The following EFHD2 variants were observed in gnomAD, a reference collection of about 807,000 sequenced individuals.
EFHD2 encodes the protein EF-hand domain-containing protein D2.
A neutral mutation model predicts 20.3 loss-of-function variants in EFHD2; 12 were observed. The ratio of observed to expected loss-of-function variants is 0.59; its 90% CI spans 0.38 to 0.96. The LOEUF is 0.96. Ranked by LOEUF, EFHD2 falls within the 40% of genes least tolerant of loss-of-function variation. EFHD2 has a pLI of 0.00. For missense variants in EFHD2, 250 were observed against 334.3 expected (o/e 0.75, Z 1.97); for synonymous variants, 131 against 143.9 (o/e 0.91, Z 0.64).
intron 1 of EFHD2, among the ~76,000 whole-genome samples, chr1:15,421,783 G>C (rs1399502442): frequency 1.3e-5 from 2 of 152,240 alleles, no homozygotes; most frequent in African/African-American, 4.8e-5. Flanking sequence ...CCCCTGACCT[G>C]CTGGTTATGG....
intron 1 of EFHD2, among the ~76,000 whole-genome samples, chr1:15,422,677 C>T (rs545253436): frequency 1.1e-3 from 166 of 151,914 alleles, no homozygotes; most frequent in African/African-American, 3.7e-3. Context: ...CTGGCTAACA[C>T]GGTGAAACCC....
At chr1:15,425,835 C>T (rs1298555195) in intron 1 of EFHD2, 36 bp from the exon 2 acceptor site, 2 of 1,595,018 alleles carry the variant, frequency 1.3e-6, no homozygotes, top group Non-Finnish European at 1.7e-6. Flanking sequence ...TCTGACTGAG[C>T]CAGTGCCAAG....
chr1:15,411,746 C>T (rs975985534), intron 1 of EFHD2, among the ~76,000 whole-genome samples: 3 of 152,174 alleles, frequency 2.0e-5, no homozygotes, highest in Admixed American at 6.5e-5. Flanking sequence ...GGGAGGGATG[C>T]GGCAAGGCCG....
At chr1:15,421,304 A>G (rs1005621248) in intron 1 of EFHD2, among the ~76,000 whole-genome samples, 9 of 152,148 alleles carry the variant, frequency 5.9e-5, no homozygotes, top group African/African-American at 2.2e-4. Flanking sequence ...ACTAGACCAC[A>G]TCAGAGCCCA....
chr1:15,415,173 A>G (rs989001487), intron 1 of EFHD2, among the ~76,000 whole-genome samples: 1 of 152,222 alleles, frequency 6.6e-6, no homozygotes, highest in Admixed American at 6.5e-5. Flanking sequence ...AATTAAATGA[A>G]TCAAGTTCCT....
At chr1:15,421,288 C>T (rs1171250370) in intron 1 of EFHD2, among the ~76,000 whole-genome samples, 1 of 152,154 alleles carries the variant, frequency 6.6e-6, no homozygotes, top group Non-Finnish European at 1.5e-5. Flanking sequence ...CTGGCTGATC[C>T]CCTGCACTAG....
chr1:15,410,206 GTC>G lies in EFHD2; in HGVS notation c.237_238del (p.Phe80GlnfsTer25), dbSNP rs1707446959. 1.2e-6 allele frequency: 2 copies of G among 1,605,456 alleles called. No individual in the cohort carries two copies. The highest frequency in any genetic ancestry group is 2.7e-5 in the African/African-American group (2 of 73,552). On this transcript the variant is annotated frameshift_variant, in exon 1 of 4. Transcript: ENST00000375980. LOFTEE classifies it high-confidence loss of function. Reference sequence around the variant, plus strand: ...CGAGCCCCAGTCGCCCAGCCGCCGCGTCTTCAACCCCTACACCGAGTTCAAGG... The same window carrying G: ...CGAGCCCCAGTCGCCCAGCCGCCGCGTTCAACCCCTACACCGAGTTCAAGG... ...IGEPQSPSRR[V>X]FNPYTEFKEF...
At chr1:15,417,267 G>A (rs1707689635) in intron 1 of EFHD2, among the ~76,000 whole-genome samples, 1 of 152,222 alleles carries the variant, frequency 6.6e-6, no homozygotes. Context: ...AGCTGTAAGA[G>A]GATAAGATGT....
chr1:15,428,930 C>T lies in EFHD2; in HGVS notation c.*206C>T. Reference sequence around the variant, plus strand: ...TTCCACTCTGCACGAGGCCGCCACACCGGCGCTGGCTCCCTGCCCGGCCCG... The same window carrying T: ...TTCCACTCTGCACGAGGCCGCCACATCGGCGCTGGCTCCCTGCCCGGCCCG... On this transcript the variant is annotated 3_prime_UTR_variant, in exon 4 of 4. Coordinates refer to ENST00000375980, the MANE Select transcript of EFHD2 (RefSeq NM_024329.6). The T allele has an allele frequency of 1.4e-6, 1 of 711,312 alleles. No individual in the cohort carries two copies. The highest frequency in any genetic ancestry group is 3.2e-5 in the East Asian group (1 of 31,742). 44.1% of individuals were successfully genotyped at this position (711,312 alleles called of 1,614,324 possible). A position where few individuals can be genotyped will look rare whatever the true frequency, so the allele number is the denominator to read the frequency against.
chr1:15,417,118 C>T (rs929074929), intron 1 of EFHD2, among the ~76,000 whole-genome samples: 2 of 152,116 alleles, frequency 1.3e-5, no homozygotes, highest in African/African-American at 4.8e-5. Flanking sequence ...GCCCATAATC[C>T]GCACTGTAAC....
At chr1:15,421,278 C>T (rs1427241842) in intron 1 of EFHD2, among the ~76,000 whole-genome samples, 1 of 152,180 alleles carries the variant, frequency 6.6e-6, no homozygotes, top group Admixed American at 6.5e-5. Context: ...ACCCTGGAAC[C>T]TGGCTGATCC....
At chr1:15,410,663 A>C (rs1445656665) in intron 1 of EFHD2, among the ~76,000 whole-genome samples, 1 of 134,572 alleles carries the variant, frequency 7.4e-6, no homozygotes. Flanking sequence ...GGGCTTCTCC[A>C]CCACCCCACA....
chr1:15,418,594 G>A (rs10927784), intron 1 of EFHD2, among the ~76,000 whole-genome samples: 2 of 151,642 alleles, frequency 1.3e-5, no homozygotes, highest in African/African-American at 2.4e-5. Flanking sequence ...CGGGAGCCAC[G>A]GCACCCGGCC....
At chr1:15,428,560 A>T (rs1026908402) in intron 3 of EFHD2, 33 bp from the exon 4 acceptor site, 4 of 1,605,370 alleles carry the variant, frequency 2.5e-6, no homozygotes, top group Non-Finnish European at 3.4e-6. Context: ...TACACCATCC[A>T]GCCCTGACCC....
At chr1:15,420,739 C>T (rs112012508) in intron 1 of EFHD2, among the ~76,000 whole-genome samples, 4,943 of 152,122 alleles carry the variant, frequency 0.032, 263 homozygotes, top group African/African-American at 0.11. Flanking sequence ...AGGCTGGTCT[C>T]GAACTCCTGA....
chr1:15,423,132 G>A (rs1707821456), intron 1 of EFHD2, among the ~76,000 whole-genome samples: 1 of 152,176 alleles, frequency 6.6e-6, no homozygotes, highest in South Asian at 2.1e-4. Flanking sequence ...GAGATGGCAG[G>A]AGGCGCCTCC....
At position 15,409,899 on chromosome 1, in the gene EFHD2, A is replaced by C; in HGVS notation, c.-73A>C. On this transcript the variant is annotated 5_prime_UTR_variant, in exon 1 of 4. Transcript: ENST00000375980. Reference sequence around the variant, plus strand: ...GTGCCTGGCCCGGGGAGTGTCAGGAAGAGGAAGAGCGCGGCCGGCGGCGCT... The same window carrying C: ...GTGCCTGGCCCGGGGAGTGTCAGGACGAGGAAGAGCGCGGCCGGCGGCGCT... The C allele has an allele frequency of 8.4e-7, 1 of 1,186,304 alleles. No individual in the cohort carries two copies. The highest frequency in any genetic ancestry group is 3.7e-5 in the East Asian group (1 of 27,184). The allele number at this position is 1,186,304 out of a possible 1,614,324, so 73.5% of individuals were successfully genotyped here.
chr1:15,427,217 C>T lies in EFHD2; in HGVS notation c.524C>T (p.Ala175Val). 3.7e-6 allele frequency: 6 copies of T among 1,607,304 alleles called. No homozygotes were observed. Among genetic ancestry groups the T allele is most frequent in the Non-Finnish European group, 4.2e-6 (5 of 1,177,540 alleles). Residue 175 changes from alanine to valine, a missense_variant, in exon 3 of 4, where the codon GCC becomes GTC. By Grantham distance (64) the Ala-to-Val change is moderately conservative. Transcript: ENST00000375980. The part of the protein sequence containing the change: ...LQEDSGLCVL[A>V]RLSEIDVSSE... ...GAGGACAGCGGGCTGTGCGTGCTGG[C>T]CCGCCTCTCTGAGATCGACGTCTCC...
At chr1:15,419,958 C>T (rs1006187274) in intron 1 of EFHD2, among the ~76,000 whole-genome samples, 19 of 152,180 alleles carry the variant, frequency 1.2e-4, no homozygotes, top group African/African-American at 4.3e-4. Context: ...TTCTGTCTTC[C>T]TACCTCCCAG....
Sources: gnomAD v4.1 joint callset for allele counts (sites outside exome capture counted in the v4.1 genomes callset) on GRCh38, gnomAD v4.1.1 for gene constraint, MANE v1.5 for transcripts, NCBI Gene and HGNC (gene_info 2026-07-23, HGNC 2026-07-21) for gene names.